Variants in CLYBL observed in about 807,000 individuals in gnomAD.
CLYBL encodes citramalyl-CoA lyase, also known as citramalyl-CoA lyase, mitochondrial.
In CLYBL, 31 loss-of-function variants were observed where a neutral mutation model predicts 38.9. The ratio of observed to expected loss-of-function variants is 0.80; its 90% CI spans 0.60 to 1.08. The LOEUF is 1.08. Among genes scored for constraint, CLYBL ranks in the 50% least tolerant of loss-of-function variants. The probability of loss-of-function intolerance (pLI) is 0.00; values close to 1 mark genes in which losing one functional copy is unlikely to be tolerated. For synonymous variants in CLYBL, 171 were observed against 158.6 expected (o/e 1.08, Z -0.59); for missense variants, 434 against 411.6 (o/e 1.05, Z -0.47).
rs2051834637 is a variant in CLYBL at position 99,869,649 on chromosome 13, C to A, written c.803-1289C>A. Among the ~76,000 whole-genome samples, 1 of 152,036 alleles carries A rather than the reference C, an allele frequency of 6.6e-6. No individual in the cohort carries two copies. The highest frequency in any genetic ancestry group is 1.5e-5 in the Non-Finnish European group (1 of 67,936). ...ATTATTATATTTATCCACTTAAACT[C>A]TTTTACATGAAACACTAAAAATATG... On this transcript the variant is annotated intron_variant, in intron 6 of 8. Coordinates refer to ENST00000339105, the MANE Select transcript of CLYBL (RefSeq NM_206808.5). This position sits in a 1 kb window ranked among gnomAD's most constrained non-coding sequence, Gnocchi z 4.3.
chr13:99,676,697 G>A (rs1372567160), intron 1 of CLYBL, among the ~76,000 whole-genome samples: 1 of 151,732 alleles, frequency 6.6e-6, no homozygotes, highest in African/African-American at 2.4e-5. Context: ...AGGTTCAAGC[G>A]ATTCTCCTGC....
intron 1 of CLYBL, 23 bp downstream of exon 1, chr13:99,606,780 C>A (rs752926753): frequency 6.5e-6 from 9 of 1,385,100 alleles, no homozygotes; most frequent in Non-Finnish European, 8.4e-6. Context: ...CCCCGTTCCC[C>A]GCCTTCCCGG....
At chr13:99,718,112 C>T (rs113736610) in intron 1 of CLYBL, among the ~76,000 whole-genome samples, 3,233 of 152,118 alleles carry the variant, frequency 0.021, 111 homozygotes, top group African/African-American at 0.074. Flanking sequence ...CTCCTGGGCT[C>T]AAGTGATCCT....
intron 1 of CLYBL, among the ~76,000 whole-genome samples, chr13:99,635,392 C>T (rs1432968024): frequency 3.9e-5 from 6 of 152,086 alleles, no homozygotes; most frequent in Admixed American, 3.9e-4. Flanking sequence ...CCCAGGCCTT[C>T]CTAGCCTGGC....
intron 2 of CLYBL, among the ~76,000 whole-genome samples, chr13:99,825,238 T>C (rs2050672653): frequency 1.3e-5 from 2 of 152,162 alleles, no homozygotes; most frequent in South Asian, 2.1e-4. Context: ...GGAAGATCCT[T>C]GCTTGGCCCT....
chr13:99,898,875 T>C (rs2052611406), downstream of CLYBL, among the ~76,000 whole-genome samples: 1 of 152,186 alleles, frequency 6.6e-6, no homozygotes, highest in Non-Finnish European at 1.5e-5. Flanking sequence ...CAAAAAATAG[T>C]GTGGATGCCT....
intron 2 of CLYBL, among the ~76,000 whole-genome samples, chr13:99,778,733 G>C (rs2049575347): frequency 6.6e-6 from 1 of 152,160 alleles, no homozygotes; most frequent in African/African-American, 2.4e-5. Context: ...GGCTGTCTAA[G>C]CCACTGCTTG....
intron 1 of CLYBL, among the ~76,000 whole-genome samples, chr13:99,684,170 G>T (rs373995734): frequency 6.7e-6 from 1 of 149,706 alleles, no homozygotes; most frequent in African/African-American, 2.5e-5. Flanking sequence ...GTGAGCCACC[G>T]GGCCTGGCAT....
At chr13:99,765,077 T>C (rs531331405) in intron 1 of CLYBL, among the ~76,000 whole-genome samples, 1 of 152,322 alleles carries the variant, frequency 6.6e-6, no homozygotes, top group Non-Finnish European at 1.5e-5. Flanking sequence ...TTTAGTGTTT[T>C]TTTCTTGCAG....
chr13:99,725,248 A>G (rs2048453557), intron 1 of CLYBL, among the ~76,000 whole-genome samples: 1 of 152,238 alleles, frequency 6.6e-6, no homozygotes, highest in African/African-American at 2.4e-5. Context: ...AAAGAAGAGA[A>G]GACCGAACAG....
In CLYBL at chr13:99,714,315, A is replaced by G. The variant is rs540622303; in HGVS notation, c.63-58509A>G. On this transcript the variant is annotated intron_variant, in intron 1 of 8. Coordinates refer to ENST00000339105, the MANE Select transcript of CLYBL (RefSeq NM_206808.5). Reference sequence around the variant, plus strand: ...TCTGGTGGTGTTTGACTGTCAGTCCATATTTAAAAATGAGGAACTGGCCTG... The same window carrying G: ...TCTGGTGGTGTTTGACTGTCAGTCCGTATTTAAAAATGAGGAACTGGCCTG... Among the ~76,000 whole-genome samples the G allele has an allele frequency of 2.6e-5, 4 of 152,266 alleles. No individual in the cohort carries two copies. The East Asian group carries it at 7.7e-4, about 29-fold the overall frequency.
intron 6 of CLYBL, among the ~76,000 whole-genome samples, chr13:99,868,189 G>T (rs191964871): frequency 1.3e-5 from 2 of 152,164 alleles, no homozygotes; most frequent in Non-Finnish European, 2.9e-5. Context: ...GCCACACTTC[G>T]TAGGCAGTTT....
Position 99,840,982 on chromosome 13 carries a change from A to G in CLYBL, c.250-17879A>G, listed in dbSNP as rs540429139. Among the ~76,000 whole-genome samples the G allele has an allele frequency of 8.7e-4, 133 of 152,234 alleles. No homozygotes were observed. In the Middle Eastern group the frequency reaches 0.01, roughly 12 times the overall value. Reference sequence around the variant, plus strand: ...CAGCAGCAGATGGACAGAGGAAGAAATGGAATGTGGTCACATTCCATACTA... The same window carrying G: ...CAGCAGCAGATGGACAGAGGAAGAAGTGGAATGTGGTCACATTCCATACTA... On this transcript the variant is annotated intron_variant, in intron 2 of 8. Transcript: ENST00000339105.
At chr13:99,747,592 G>T (rs2048876488) in intron 1 of CLYBL, among the ~76,000 whole-genome samples, 1 of 152,120 alleles carries the variant, frequency 6.6e-6, no homozygotes, top group Non-Finnish European at 1.5e-5. Flanking sequence ...TGGAAAAACT[G>T]CCCTTTTATT....
chr13:99,744,990 G>C (rs1474765224), intron 1 of CLYBL, among the ~76,000 whole-genome samples: 1 of 152,158 alleles, frequency 6.6e-6, no homozygotes, highest in Non-Finnish European at 1.5e-5. Context: ...TCTCAAGTGA[G>C]ACCACTTGAG....
intron 1 of CLYBL, among the ~76,000 whole-genome samples, chr13:99,753,286 G>A (rs2048990723): frequency 6.6e-6 from 1 of 152,136 alleles, no homozygotes; most frequent in Admixed American, 6.5e-5. Context: ...GGAAGCCATG[G>A]AAGGGGCTCA....
intron 1 of CLYBL, among the ~76,000 whole-genome samples, chr13:99,738,981 G>T (rs370554679): frequency 6.6e-6 from 1 of 152,156 alleles, no homozygotes; most frequent in Non-Finnish European, 1.5e-5. Context: ...AAAATTCAGG[G>T]TTGGTGTGTT....
Position 99,832,991 on chromosome 13 carries a change from TATAC to T in CLYBL, c.250-25854_250-25851del, listed in dbSNP as rs71121014. 7.4e-4 allele frequency among the ~76,000 whole-genome samples: 51 copies of T among 69,220 alleles called. 1 individual carries two copies. Among genetic ancestry groups the T allele is most frequent in the African/African-American group, 2.2e-3 (49 of 21,986 alleles). 45.4% of individuals were successfully genotyped at this position (69,220 alleles called of 152,430 possible). A position where few individuals can be genotyped will look rare whatever the true frequency, so the allele number is the denominator to read the frequency against. The stretch of plus-strand genomic sequence containing the variant: ...TCATATATCATTTCATTAAGTAGTA[TATAC>T]ATACATACATACATATATATATATA... On this transcript the variant is annotated intron_variant, in intron 2 of 8. Transcript: ENST00000339105.
At chr13:99,707,481 C>A (rs1048174652) in intron 1 of CLYBL, among the ~76,000 whole-genome samples, 1 of 152,056 alleles carries the variant, frequency 6.6e-6, no homozygotes, top group Non-Finnish European at 1.5e-5. Flanking sequence ...ACCGTGTTGG[C>A]CAGGCTGATC....
Sources: allele counts gnomAD v4.1 joint callset (sites outside exome capture counted in the v4.1 genomes callset), GRCh38; gene constraint gnomAD v4.1.1; non-coding constraint Gnocchi (gnomAD v3.1); transcripts MANE v1.5; gene names NCBI Gene and HGNC (gene_info 2026-07-23, HGNC 2026-07-21).